SEC61A2: variants seen among roughly 807,000 people sequenced by gnomAD.
SEC61A2 encodes the protein SEC61 translocon subunit alpha 2.
Under a neutral mutation model 59.9 loss-of-function variants are expected in SEC61A2, and 28 were observed. The ratio of observed to expected loss-of-function variants is 0.47; its 90% CI spans 0.35 to 0.64. The LOEUF is 0.64. Ranked by LOEUF, SEC61A2 falls within the 30% of genes least tolerant of loss-of-function variation. The pLI, the probability that SEC61A2 is intolerant of heterozygous loss-of-function variation, is 0.01. For missense variants in SEC61A2, 340 were observed against 585.9 expected, an observed-to-expected ratio of 0.58 and a Z score of 4.33; for synonymous variants, 202 against 214.4, an observed-to-expected ratio of 0.94 and a Z score of 0.50.
In SEC61A2 at chr10:12,152,721, TGTC is replaced by T. The variant is rs1834305413; in HGVS notation, c.462+2761_462+2763del. Among the ~76,000 whole-genome samples, 1 of 151,966 alleles carries T rather than the reference TGTC, an allele frequency of 6.6e-6. No individual in the cohort carries two copies. The highest frequency in any genetic ancestry group is 1.5e-5 in the Non-Finnish European group (1 of 67,990). On this transcript the variant is annotated intron_variant, in intron 6 of 11. Transcript: ENST00000298428. This position sits in a 1 kb window ranked among gnomAD's most constrained non-coding sequence, Gnocchi z 5.5. ...CATCCTGGCCAACATGGTGAAACGC[TGTC>T]TCTACCAAAAATACAAAAATTAGCA...
Position 12,142,413 on chromosome 10 carries a change from C to T in SEC61A2, c.142-704C>T. The T allele has an allele frequency of 2.3e-6, 1 of 428,374 alleles. No homozygotes were observed. The highest frequency in any genetic ancestry group is 3.1e-6 in the Non-Finnish European group (1 of 321,004). The allele number at this position is 428,374 out of a possible 1,614,324, so 26.5% of individuals were successfully genotyped here. ...TATATTTAGTTTTATGACATAAGTA[C>T]TTCTTCCATGTTATTACAGATTGAG... On this transcript the variant is annotated intron_variant, in intron 3 of 11. Coordinates refer to ENST00000298428, the MANE Select transcript of SEC61A2 (RefSeq NM_018144.4). The surrounding 1 kb of genome is among the most constrained non-coding windows in gnomAD (Gnocchi z 5.4).
intron 3 of SEC61A2, among the ~76,000 whole-genome samples, chr10:12,137,256 G>A (rs767266091): frequency 5.9e-5 from 9 of 152,090 alleles, no homozygotes; most frequent in Non-Finnish European, 1.3e-4. Context: ...CCAAATTTTT[G>A]CAATCTTGGG....
chr10:12,167,495 T>G (rs1195988503), downstream of SEC61A2: 2 of 516,280 alleles, frequency 3.9e-6, no homozygotes, highest in African/African-American at 4.0e-5. Context: ...ATATTCTTTG[T>G]TAATTTTAGC....
In SEC61A2 at chr10:12,164,345, T is replaced by C; in HGVS notation, c.1322T>C (p.Ile441Thr). Residue 441 changes from isoleucine to threonine, a missense_variant, in exon 12 of 12, where the codon ATT (isoleucine) becomes ACT (threonine). Around this residue, in one of 3 missense-constraint regions of SEC61A2, gnomAD observed 283 missense variants for 483.2 expected, o/e 0.59. Coordinates refer to ENST00000298428, the MANE Select transcript of SEC61A2 (RefSeq NM_018144.4). The surrounding 1 kb of genome is among the most constrained non-coding windows in gnomAD (Gnocchi z 7.3). Reference sequence around the variant, plus strand: ...GTGCTGGCTGACTTCCTGGGGGCCATTGGATCTGGCACTGGAATTCTGCTA... The same window carrying C: ...GTGCTGGCTGACTTCCTGGGGGCCACTGGATCTGGCACTGGAATTCTGCTA... ...LSVLADFLGA[I>T]GSGTGILLAV... The C allele has an allele frequency of 6.2e-7, 1 of 1,614,092 alleles. No homozygotes were observed. Among genetic ancestry groups the C allele is most frequent in the Non-Finnish European group, 8.5e-7 (1 of 1,179,974 alleles).
intron 3 of SEC61A2, among the ~76,000 whole-genome samples, chr10:12,137,111 G>C (rs1028422516): frequency 4.0e-5 from 6 of 151,682 alleles, no homozygotes; most frequent in Non-Finnish European, 5.9e-5. Flanking sequence ...GGTCTATGTT[G>C]CCCAGGCTGG....
chr10:12,162,081 G>GAT lies in SEC61A2; in HGVS notation c.1168-129_1168-128dup. The GAT allele has an allele frequency of 1.4e-6, 1 of 736,634 alleles. No individual in the cohort carries two copies. Among genetic ancestry groups the GAT allele is most frequent in the Non-Finnish European group, 2.4e-6 (1 of 410,212 alleles). The allele number at this position is 736,634 out of a possible 1,614,324, so 45.6% of individuals were successfully genotyped here. On this transcript the variant is annotated intron_variant, in intron 10 of 11. Transcript: ENST00000298428. The surrounding 1 kb of genome is among the most constrained non-coding windows in gnomAD (Gnocchi z 6.1). ...TGGTTTCCTCAGGCTTAATGCGAAT[G>GAT]ATATGACAATGCAACTTTCAGGTTA...
rs765477944 is a variant in SEC61A2 at position 12,164,385 on chromosome 10, T to C, written c.1362T>C (p.Ile454=). 1.2e-6 allele frequency: 2 copies of C among 1,614,144 alleles called. No individual in the cohort carries two copies. The highest frequency in any genetic ancestry group is 2.2e-5 in the South Asian group (2 of 91,064). The change falls in exon 12 of 12, where the codon ATT becomes ATC. Residue 454 remains isoleucine, a synonymous_variant. Coordinates refer to ENST00000298428, the MANE Select transcript of SEC61A2 (RefSeq NM_018144.4). The surrounding 1 kb of genome is among the most constrained non-coding windows in gnomAD (Gnocchi z 7.3). ...GTGILLAVTI[I]YQYFEIFVKE... is the part of the protein sequence containing the mutation. ...GAATTCTGCTAGCAGTCACTATTAT[T>C]TACCAGTATTTTGAAATATTTGTTA... is the stretch of plus-strand genomic sequence containing the variant.
At chr10:12,132,667 A>T (rs1833785392) in intron 1 of SEC61A2, among the ~76,000 whole-genome samples, 1 of 150,120 alleles carries the variant, frequency 6.7e-6, no homozygotes, top group Non-Finnish European at 1.5e-5. Context: ...TTTTTTTGTC[A>T]CCTATGCATT....
rs1834610167 is a variant in SEC61A2 at position 12,164,281 on chromosome 10, G to A, written c.1258G>A (p.Ala420Thr). 3 of 1,613,062 alleles carry A rather than the reference G, an allele frequency of 1.9e-6. No individual in the cohort carries two copies. The highest frequency in any genetic ancestry group is 2.5e-6 in the Non-Finnish European group (3 of 1,179,986). Residue 420 changes from alanine to threonine, a missense_variant, in exon 12 of 12, where the codon GCA becomes ACA. This residue lies in a region of SEC61A2 where 283 missense variants were observed against 483.2 expected (regional missense o/e 0.59). Coordinates refer to ENST00000298428, the MANE Select transcript of SEC61A2 (RefSeq NM_018144.4). The surrounding 1 kb of genome is among the most constrained non-coding windows in gnomAD (Gnocchi z 7.3). ...VHELNRYIPTAAAFGGLCIGA... is the reference protein window; with the variant it reads ...VHELNRYIPTTAAFGGLCIGA... Reference sequence around the variant, plus strand: ...TCTGTCTCCTAGGTACATCCCCACCGCAGCTGCGTTTGGCGGTTTGTGCAT... The same window carrying A: ...TCTGTCTCCTAGGTACATCCCCACCACAGCTGCGTTTGGCGGTTTGTGCAT...
At chr10:12,159,832 A>G (rs1675368965) in intron 9 of SEC61A2, among the ~76,000 whole-genome samples, 1 of 135,624 alleles carries the variant, frequency 7.4e-6, no homozygotes, top group Admixed American at 7.6e-5. Flanking sequence ...ATTTGTCTTA[A>G]TATGCTTTTT....
At chr10:12,150,108 G>GTA in intron 6 of SEC61A2, 147 bp downstream of exon 6, 1 of 611,112 alleles carries the variant, frequency 1.6e-6, no homozygotes, top group Non-Finnish European at 2.7e-6. Flanking sequence ...AGTGATACGT[G>GTA]TAAAATTTTT....
chr10:12,140,674 C>T (rs1236323159), intron 3 of SEC61A2, among the ~76,000 whole-genome samples: 1 of 152,188 alleles, frequency 6.6e-6, no homozygotes, highest in Non-Finnish European at 1.5e-5. Flanking sequence ...CAGCTCACTG[C>T]AACCTCCGCC....
chr10:12,141,845 T>C (rs1834027929), intron 3 of SEC61A2, among the ~76,000 whole-genome samples: 1 of 152,142 alleles, frequency 6.6e-6, no homozygotes, highest in Non-Finnish European at 1.5e-5. Flanking sequence ...TCACCCCCTG[T>C]TCTGTGAAAG....
In SEC61A2 at chr10:12,153,891, G is replaced by A. The variant is rs560995149; in HGVS notation, c.463-1887G>A. The A allele has an allele frequency of 2.3e-6, 3 of 1,309,840 alleles. No individual in the cohort carries two copies. Among genetic ancestry groups the A allele is most frequent in the Non-Finnish European group, 3.1e-6 (3 of 976,854 alleles). 81.1% of individuals were successfully genotyped at this position (1,309,840 alleles called of 1,614,324 possible). On this transcript the variant is annotated intron_variant, in intron 6 of 11. Transcript: ENST00000298428. The surrounding 1 kb of genome is among the most constrained non-coding windows in gnomAD (Gnocchi z 5.2). ...TTTATGTTTCATTCACGTGGTTAGT[G>A]TTTTTCAGCTAGTGAGTTTAGAAAT... is the stretch of plus-strand genomic sequence containing the variant.
intron 2 of SEC61A2, 78 bp downstream of exon 2, chr10:12,133,386 C>G (rs1588628481): frequency 1.6e-5 from 11 of 687,886 alleles, no homozygotes; most frequent in Non-Finnish European, 2.6e-6. Flanking sequence ...ATTTCCTTAC[C>G]TCAGTCCTTC....
chr10:12,151,575 G>C (rs986369855), intron 6 of SEC61A2, among the ~76,000 whole-genome samples: 8 of 152,100 alleles, frequency 5.3e-5, no homozygotes, highest in Admixed American at 4.6e-4. Context: ...CTCCCAAAGT[G>C]CTGGGATTAC....
Position 12,162,945 on chromosome 10 carries a change from CTTAA to C in SEC61A2, c.1244+659_1244+662del, listed in dbSNP as rs1393103286. ...GCATCATGTTTTCACAGTTCATATC[CTTAA>C]TTCTTTTCATGAATAATATTCAATT... On this transcript the variant is annotated intron_variant, in intron 11 of 11. Transcript: ENST00000298428. The surrounding 1 kb of genome is among the most constrained non-coding windows in gnomAD (Gnocchi z 6.1). Among the ~76,000 whole-genome samples, 1 of 152,192 alleles carries C rather than the reference CTTAA, an allele frequency of 6.6e-6. No individual in the cohort carries two copies. Among genetic ancestry groups the C allele is most frequent in the Non-Finnish European group, 1.5e-5 (1 of 68,044 alleles).
rs532762565 is a variant in SEC61A2 at position 12,145,885 on chromosome 10, G to A, written c.220+2690G>A. On this transcript the variant is annotated intron_variant, in intron 4 of 11. Coordinates refer to ENST00000298428, the MANE Select transcript of SEC61A2 (RefSeq NM_018144.4). This position sits in a 1 kb window ranked among gnomAD's most constrained non-coding sequence, Gnocchi z 4.4. ...GCTGGAAGGATACTGGTTATTTTTTGGAATCTACAGTGGAGATGAACAGCT... is the reference window on the plus strand; with the variant it reads ...GCTGGAAGGATACTGGTTATTTTTTAGAATCTACAGTGGAGATGAACAGCT... Among the ~76,000 whole-genome samples, 3 of 152,284 alleles carry A rather than the reference G, an allele frequency of 2.0e-5. No individual in the cohort carries two copies. The South Asian group carries it at 6.2e-4, about 32-fold the overall frequency.
At chr10:12,132,745 T>C (rs894936958) in intron 1 of SEC61A2, among the ~76,000 whole-genome samples, 4 of 152,186 alleles carry the variant, frequency 2.6e-5, no homozygotes, top group Admixed American at 2.6e-4. Context: ...GCTTCCTGAG[T>C]GCAGAAGGCA....
Sources: gnomAD v4.1 joint callset for allele counts (sites outside exome capture counted in the v4.1 genomes callset) on GRCh38, gnomAD v4.1.1 for gene constraint, gnomAD v4.1.1 regional missense constraint, Gnocchi (gnomAD v3.1) non-coding constraint, MANE v1.5 for transcripts, NCBI Gene and HGNC (gene_info 2026-07-23, HGNC 2026-07-21) for gene names.